Variants in CAMTA2 observed in about 807,000 individuals in gnomAD.
CAMTA2 encodes the protein calmodulin binding transcription activator 2.
A neutral mutation model predicts 135.7 loss-of-function variants in CAMTA2; 56 were observed. The ratio of observed to expected loss-of-function variants is 0.41; its 90% confidence interval spans 0.33 to 0.52. CAMTA2 has a LOEUF of 0.52. Among genes scored for constraint, CAMTA2 ranks in the 20% least tolerant of loss-of-function variants. The pLI is 0.16. For missense variants in CAMTA2, 1,358 were observed against 1,553.4 expected, an observed-to-expected ratio of 0.87 and a Z score of 2.11; for synonymous variants, 591 against 604.6, an observed-to-expected ratio of 0.98 and a Z score of 0.33.
At chr17:4,976,543 C>T (rs977594886) in intron 11 of CAMTA2, among the ~76,000 whole-genome samples, 1 of 151,752 alleles carries the variant, frequency 6.6e-6, no homozygotes, top group Non-Finnish European at 1.5e-5. Flanking sequence ...CTACTAAAAT[C>T]ACAAAAAATT....
chr17:4,973,658 G>T lies in CAMTA2; in HGVS notation c.2128C>A (p.Arg710=). ...PERLAHGSPF[R]GMSLLHLAAA... ...GCCAGGTGCAGAAGGCTCATGCCCC[G>T]GAAGGGGCTTCCATGGGCCAGACGT... The change falls in exon 13 of 23, where the codon CGG becomes AGG. Residue 710 remains arginine, a synonymous_variant. Transcript: ENST00000348066. The T allele has an allele frequency of 1.2e-6, 2 of 1,614,210 alleles. No homozygotes were observed. Among genetic ancestry groups the T allele is most frequent in the Non-Finnish European group, 1.7e-6 (2 of 1,180,028 alleles).
In CAMTA2 at chr17:4,977,167, C is replaced by T. The variant is rs530793873; in HGVS notation, c.1791G>A (p.Leu597=). ...GGGGCCCCTCCCGCCCTGCCACCTG[C>T]AAAGACACCAGCCCTACCTCATGGG... ...CPAHEVGLVS[L]QVAGREGPLS... is the part of the protein sequence containing the mutation. Residue 597 remains leucine, a synonymous_variant, in exon 11 of 23, where the codon TTG becomes TTA. Coordinates refer to ENST00000348066, the MANE Select transcript of CAMTA2 (RefSeq NM_015099.4). The T allele has an allele frequency of 2.5e-4, 398 of 1,614,010 alleles. 6 individuals are homozygous for T. In the South Asian group the frequency reaches 4.2e-3, roughly 17 times the overall value.
intron 7 of CAMTA2, 83 bp downstream of exon 7, chr17:4,981,595 G>A: frequency 6.8e-7 from 1 of 1,464,934 alleles, no homozygotes; most frequent in Non-Finnish European, 9.2e-7. Context: ...CAGCCCTCAG[G>A]CTTTGGGTCC....
intron 11 of CAMTA2, 191 bp from the exon 12 acceptor site, chr17:4,974,691 T>G (rs1360913175): frequency 7.3e-6 from 4 of 546,418 alleles, no homozygotes; most frequent in Non-Finnish European, 1.3e-5. Context: ...ACTAGGGCTG[T>G]TAATACTACC....
intron 11 of CAMTA2, 156 bp from the exon 12 acceptor site, chr17:4,974,656 A>AATT (rs909202822): frequency 6.8e-6 from 4 of 585,938 alleles, no homozygotes; most frequent in Non-Finnish European, 1.2e-5. Context: ...CACCTAAATA[A>AATT]AGCCCACCAG....
At chr17:4,970,883 C>T (rs1238433907) in intron 16 of CAMTA2, among the ~76,000 whole-genome samples, 1 of 152,182 alleles carries the variant, frequency 6.6e-6, no homozygotes, top group African/African-American at 2.4e-5. Flanking sequence ...CTTGGCTGTG[C>T]CCACCCCCAG....
intron 1 of CAMTA2, 45 bp downstream of exon 1, chr17:4,987,547 CT>C (rs1973438843): frequency 6.7e-7 from 1 of 1,493,584 alleles, no homozygotes; most frequent in Non-Finnish European, 8.9e-7. Flanking sequence ...GAGCTGCGCC[CT>C]CTGGCGCGGG....
intron 12 of CAMTA2, chr17:4,974,038 C>G (rs370773675): frequency 1.8e-6 from 1 of 540,828 alleles, no homozygotes; most frequent in African/African-American, 1.9e-5. Flanking sequence ...GGCTTCTCCC[C>G]CTCAGAAGCC....
chr17:4,983,356 CA>C, intron 3 of CAMTA2: 1 of 258,248 alleles, frequency 3.9e-6, no homozygotes, highest in Non-Finnish European at 7.6e-6. Context: ...GATCTCAGCT[CA>C]CTGCAACCTC....
intron 12 of CAMTA2, 132 bp downstream of exon 12, chr17:4,974,253 C>G: frequency 1.5e-6 from 1 of 657,042 alleles, no homozygotes; most frequent in Non-Finnish European, 2.7e-6. Context: ...AGGGTGACGT[C>G]AGGGAGAGGG....
At chr17:4,978,392 T>G in intron 10 of CAMTA2, 112 bp downstream of exon 10, 1 of 1,176,716 alleles carries the variant, frequency 8.5e-7, no homozygotes, top group Non-Finnish European at 1.2e-6. Context: ...GAAGTCCTTG[T>G]GCTCTCAAAA....
Position 4,970,009 on chromosome 17 carries a change from T to G in CAMTA2, c.3082A>C (p.Ser1028Arg). Residue 1028 changes from serine to arginine, a missense_variant, in exon 18 of 23, where the codon AGT (serine) becomes CGT (arginine). Ser to Arg is a moderately radical substitution (Grantham distance 110, BLOSUM62 -1). This residue lies in a region of CAMTA2 where 9 missense variants were observed against 27.9 expected (regional missense o/e 0.32). Transcript: ENST00000348066. ...GCAAAATCACTTTCCATCTTGCCAC[T>G]GGTGGATGCAGAGAGAAACTCTGCC... is the stretch of plus-strand genomic sequence containing the variant. ...SWAEFLSAST[S>R]GKMESDFALL... The G allele has an allele frequency of 6.2e-7, 1 of 1,614,166 alleles. No homozygotes were observed. Among genetic ancestry groups the G allele is most frequent in the Non-Finnish European group, 8.5e-7 (1 of 1,180,026 alleles).
rs1228751731 is a variant in CAMTA2, at chr17:4,970,025, A to G, written c.3066T>C (p.Phe1022=). The G allele has an allele frequency of 5.0e-6, 8 of 1,614,022 alleles. No individual in the cohort carries two copies. Among genetic ancestry groups the G allele is most frequent in the Non-Finnish European group, 6.8e-6 (8 of 1,179,990 alleles). Residue 1022 remains phenylalanine, a synonymous_variant, in exon 18 of 23, where the codon TTT becomes TTC. Transcript: ENST00000348066. ...TCTTGCCACTGGTGGATGCAGAGAG[A>G]AACTCTGCCCAGGAGGGTGCTGAAG... The part of the protein sequence containing the change: ...AVPSAPSWAE[F]LSASTSGKME...
Position 4,969,491 on chromosome 17 carries a change from G to A in CAMTA2, c.3282+9C>T. The stretch of plus-strand genomic sequence containing the variant: ...CACAGACCTCACACTCAGAGCTCAT[G>A]CCTAATACCTTAAGTGCAATCCAGG... On this transcript the variant is annotated intron_variant, in intron 20 of 22. Coordinates refer to ENST00000348066, the MANE Select transcript of CAMTA2 (RefSeq NM_015099.4). This position sits in a 1 kb window ranked among gnomAD's most constrained non-coding sequence, Gnocchi z 5.6. The A allele has an allele frequency of 6.2e-7, 1 of 1,613,984 alleles. No homozygotes were observed. The highest frequency in any genetic ancestry group is 2.2e-5 in the East Asian group (1 of 44,892).
At chr17:4,977,318 C>G (rs1380657626) in intron 10 of CAMTA2, 126 bp from the exon 11 acceptor site, 1 of 1,239,876 alleles carries the variant, frequency 8.1e-7, no homozygotes, top group Non-Finnish European at 1.1e-6. Context: ...CCAAGAGGCC[C>G]CTGGCTTCAG....
At position 4,973,000 on chromosome 17, in the gene CAMTA2, G is replaced by T; in HGVS notation, c.2281-9C>A. 6.2e-7 allele frequency: 1 copy of T among 1,609,660 alleles called. No homozygotes were observed. The highest frequency in any genetic ancestry group is 8.5e-7 in the Non-Finnish European group (1 of 1,177,572). On this transcript the variant is annotated splice_polypyrimidine_tract_variant and intron_variant, in intron 14 of 22. Coordinates refer to ENST00000348066, the MANE Select transcript of CAMTA2 (RefSeq NM_015099.4). ...AGGGCACAAGCCCACATCTGAGGAA[G>T]GGGGCGGGACAGGCGGAGACGGAGG...
chr17:4,972,009 C>G (rs1972320951), intron 16 of CAMTA2, among the ~76,000 whole-genome samples: 1 of 152,116 alleles, frequency 6.6e-6, no homozygotes, highest in African/African-American at 2.4e-5. Flanking sequence ...TTTCCAACAT[C>G]TGTATTGTGG....
Position 4,981,779 on chromosome 17 carries a change from C to T in CAMTA2, c.464G>A (p.Cys155Tyr), listed in dbSNP as rs1972973689. Reference protein sequence around the residue: ...HYLNVPALEDCGKGCSPIFCS... With the variant: ...HYLNVPALEDYGKGCSPIFCS... ...AAAGATGGGGCTGCAGCCCTTTCCA[C>T]AGTCCTCCAGGGCTGGGACGTTCAG... The change falls in exon 7 of 23, where the codon TGT becomes TAT. Residue 155 changes from cysteine (C) to tyrosine (Y), a missense_variant. Transcript: ENST00000348066. 6.2e-7 allele frequency: 1 copy of T among 1,613,500 alleles called. No individual in the cohort carries two copies.
Position 4,980,463 on chromosome 17 carries a change from G to T in CAMTA2, c.859C>A (p.His287Asn). ...GAAGAGGAAGAAGATGGGGAGGTGT[G>T]TGCCTTGGGGAGCTCTGGGGGAAGT... ...APLPPELPKAHTSPSSSSSSS... is the reference protein window; with the variant it reads ...APLPPELPKANTSPSSSSSSS... The change falls in exon 9 of 23, where the codon CAC becomes AAC. Residue 287 changes from histidine to asparagine, a missense_variant. Physicochemically the swap from His to Asn is moderately conservative, Grantham distance 68. Coordinates refer to ENST00000348066, the MANE Select transcript of CAMTA2 (RefSeq NM_015099.4). This position sits in a 1 kb window ranked among gnomAD's most constrained non-coding sequence, Gnocchi z 5.3. The T allele has an allele frequency of 1.2e-6, 2 of 1,612,856 alleles. No homozygotes were observed. Among genetic ancestry groups the T allele is most frequent in the Non-Finnish European group, 8.5e-7 (1 of 1,179,446 alleles).
Sources: gnomAD v4.1 joint callset for allele counts (sites outside exome capture counted in the v4.1 genomes callset) on GRCh38, gnomAD v4.1.1 for gene constraint, gnomAD v4.1.1 regional missense constraint, Gnocchi (gnomAD v3.1) non-coding constraint, MANE v1.5 for transcripts, NCBI Gene and HGNC (gene_info 2026-07-23, HGNC 2026-07-21) for gene names.